Variants in MTA3 observed in about 807,000 individuals in gnomAD.
The protein encoded by MTA3 is metastasis associated 1 family member 3.
In MTA3, 34 loss-of-function variants were observed where a neutral mutation model predicts 83.5. The ratio of observed to expected loss-of-function variants is 0.41; its 90% CI spans 0.31 to 0.54. The LOEUF is 0.54. Among genes scored for constraint, MTA3 ranks in the 20% least tolerant of loss-of-function variants. MTA3 has a pLI of 0.33. For synonymous variants in MTA3, 303 were observed against 252.7 expected (o/e 1.20, Z -1.89); for missense variants, 761 against 726.4 (o/e 1.05, Z -0.55).
chr2:42,536,554 G>A (rs1449280656), intron 2 of MTA3, among the ~76,000 whole-genome samples: 1 of 151,840 alleles, frequency 6.6e-6, no homozygotes, highest in African/African-American at 2.4e-5. Flanking sequence ...AGTGATAATT[G>A]AGTGATTAGG....
chr2:42,497,775 G>C (rs1178676462), intron 2 of MTA3, among the ~76,000 whole-genome samples: 3 of 152,162 alleles, frequency 2.0e-5, no homozygotes, highest in African/African-American at 7.2e-5. Flanking sequence ...AAGCTGATGT[G>C]AAGGTGGTAT....
chr2:42,518,430 C>T (rs1294979850), intron 2 of MTA3, among the ~76,000 whole-genome samples: 2 of 152,054 alleles, frequency 1.3e-5, no homozygotes, highest in African/African-American at 2.4e-5. Context: ...AAGAACCAAC[C>T]GAAAGAGCTT....
intron 2 of MTA3, among the ~76,000 whole-genome samples, chr2:42,511,368 A>AG (rs1234893730): frequency 6.6e-5 from 10 of 151,650 alleles, no homozygotes; most frequent in African/African-American, 2.4e-4. Flanking sequence ...AAAAAAAAAA[A>AG]CCTCAGGCAT....
chr2:42,606,324 A>G (rs1683396054), intron 3 of MTA3, among the ~76,000 whole-genome samples: 1 of 123,858 alleles, frequency 8.1e-6, no homozygotes, highest in African/African-American at 3.2e-5. Context: ...CCGGGCGGAG[A>G]GGCTCCTCAC....
At chr2:42,508,689 A>G (rs1674751378) in intron 2 of MTA3, among the ~76,000 whole-genome samples, 1 of 151,078 alleles carries the variant, frequency 6.6e-6, no homozygotes, top group Non-Finnish European at 1.5e-5. Flanking sequence ...TGTAACAAAT[A>G]TACAACTCTG....
chr2:42,747,444 G>T (rs959084811), intron 16 of MTA3, among the ~76,000 whole-genome samples: 1 of 152,048 alleles, frequency 6.6e-6, no homozygotes, highest in African/African-American at 2.4e-5. Context: ...TGGGGGTGCA[G>T]AATACTAGCA....
chr2:42,617,815 A>C (rs1488330245), intron 4 of MTA3, among the ~76,000 whole-genome samples: 2 of 152,070 alleles, frequency 1.3e-5, no homozygotes, highest in Non-Finnish European at 2.9e-5. Context: ...TAAAATTTGC[A>C]CATTTGGACA....
intron 2 of MTA3, among the ~76,000 whole-genome samples, chr2:42,506,600 A>G (rs1674640231): frequency 6.7e-6 from 1 of 149,090 alleles, no homozygotes; most frequent in Admixed American, 6.9e-5. Flanking sequence ...GGGGTAACGG[A>G]TTGGAGATAA....
intron 2 of MTA3, among the ~76,000 whole-genome samples, chr2:42,514,083 C>T (rs1304360177): frequency 1.3e-5 from 2 of 152,224 alleles, no homozygotes; most frequent in Non-Finnish European, 2.9e-5. Context: ...CATGCTGGTG[C>T]GTGCCTGTGG....
At chr2:42,503,470 C>T (rs1227410055) in intron 2 of MTA3, among the ~76,000 whole-genome samples, 2 of 152,188 alleles carry the variant, frequency 1.3e-5, no homozygotes, top group Admixed American at 6.6e-5. Flanking sequence ...TCTGGGAATG[C>T]AGCCCACTAG....
At chr2:42,622,275 G>A (rs1438212666) in intron 4 of MTA3, among the ~76,000 whole-genome samples, 3 of 152,260 alleles carry the variant, frequency 2.0e-5, no homozygotes, top group Non-Finnish European at 2.9e-5. Context: ...GCTTGGCGGC[G>A]CGCGCCTGCA....
At position 42,754,453 on chromosome 2, in the gene MTA3, C is replaced by T. The variant is rs570747930; in HGVS notation, c.*1054C>T. The T allele has an allele frequency of 4.3e-3, 4,190 of 985,520 alleles. 16 individuals carry two copies. The highest frequency in any genetic ancestry group is 4.7e-3 in the Non-Finnish European group (3,916 of 830,026). 61.0% of individuals were successfully genotyped at this position (985,520 alleles called of 1,614,324 possible). ...GACCTGCCTGCTCCTTTGGCTTGGG[C>T]TCTTCGTGTTTCCCACCTGCCCTCG... On this transcript the variant is annotated 3_prime_UTR_variant, in exon 17 of 17. Transcript: ENST00000405094.
At chr2:42,650,252 A>G (rs1688587062) in intron 6 of MTA3, among the ~76,000 whole-genome samples, 1 of 152,234 alleles carries the variant, frequency 6.6e-6, no homozygotes, top group African/African-American at 2.4e-5. Context: ...TAGAGGGGGT[A>G]GAGGTGGGAA....
intron 1 of MTA3, chr2:42,569,794 G>A (rs1469020242): frequency 6.6e-6 from 1 of 152,092 alleles, no homozygotes; most frequent in African/African-American, 2.4e-5. Context: ...AATGGATCTG[G>A]ATTAAATATG....
intron 4 of MTA3, among the ~76,000 whole-genome samples, chr2:42,633,414 A>G (rs1350407399): frequency 6.6e-6 from 1 of 151,946 alleles, no homozygotes. Flanking sequence ...CCCTGTCTCT[A>G]CAAAGAATAC....
Position 42,734,915 on chromosome 2 carries a change from G to A in MTA3, c.1759+11880G>A, listed in dbSNP as rs756137773. Among the ~76,000 whole-genome samples, 7 of 151,992 alleles carry A rather than the reference G, an allele frequency of 4.6e-5. No individual in the cohort carries two copies. In the South Asian group the frequency reaches 1.5e-3, roughly 32 times the overall value. Reference sequence around the variant, plus strand: ...GTTGTTTATATTTATATCTTATACTGCTTATCTCTTGCAAAGTTGTTGTAG... The same window carrying A: ...GTTGTTTATATTTATATCTTATACTACTTATCTCTTGCAAAGTTGTTGTAG... On this transcript the variant is annotated intron_variant, in intron 16 of 16. Transcript: ENST00000405094.
At chr2:42,640,017 G>T (rs928173287) in intron 4 of MTA3, among the ~76,000 whole-genome samples, 156 bp from the exon 5 acceptor site, 4 of 152,160 alleles carry the variant, frequency 2.6e-5, no homozygotes, top group African/African-American at 9.7e-5. Flanking sequence ...CTGACATTAG[G>T]ATTGTAAAGT....
intron 2 of MTA3, among the ~76,000 whole-genome samples, chr2:42,524,272 G>A (rs976200058): frequency 1.3e-5 from 2 of 150,778 alleles, no homozygotes; most frequent in African/African-American, 2.4e-5. Flanking sequence ...AAGAGCATAT[G>A]TTCAGCTTCA....
chr2:42,553,950 A>T (rs1291726394), intron 2 of MTA3, among the ~76,000 whole-genome samples: 1 of 150,442 alleles, frequency 6.6e-6, no homozygotes, highest in Non-Finnish European at 1.5e-5. Context: ...AAAACTAGTT[A>T]TCAGCGGGCA....
Sources: gnomAD v4.1 joint callset for allele counts (sites outside exome capture counted in the v4.1 genomes callset) on GRCh38, gnomAD v4.1.1 for gene constraint, MANE v1.5 for transcripts, NCBI Gene and HGNC (gene_info 2026-07-23, HGNC 2026-07-21) for gene names.